C1QTNF7: variants seen among roughly 807,000 people sequenced by gnomAD.
C1QTNF7 encodes complement C1q tumor necrosis factor-related protein 7.
A neutral mutation model predicts 19.6 loss-of-function variants in C1QTNF7; 15 were observed. The ratio of observed to expected loss-of-function variants is 0.76; its 90% CI spans 0.51 to 1.18. The LOEUF (loss-of-function observed/expected upper bound fraction) is 1.18. Ranked by LOEUF, C1QTNF7 falls within the 50% of genes most tolerant of loss-of-function variation. The pLI, the probability that C1QTNF7 is intolerant of heterozygous loss-of-function variation, is 0.00. For missense variants in C1QTNF7, 324 were observed against 359.7 expected (o/e 0.90, Z 0.80); for synonymous variants, 142 against 137.5 (o/e 1.03, Z -0.23).
chr4:15,388,471 A>T (rs1407882665), intron 1 of C1QTNF7, among the ~76,000 whole-genome samples: 2 of 152,218 alleles, frequency 1.3e-5, no homozygotes, highest in Non-Finnish European at 2.9e-5. Context: ...GACAGAGGTG[A>T]ACATGAATAA....
intron 1 of C1QTNF7, among the ~76,000 whole-genome samples, chr4:15,415,000 T>C (rs780016392): frequency 3.3e-5 from 5 of 152,244 alleles, no homozygotes; most frequent in Non-Finnish European, 7.3e-5. Flanking sequence ...TCATAAAACA[T>C]GAGTGCGCAT....
upstream of C1QTNF7, among the ~76,000 whole-genome samples, chr4:15,424,745 C>T (rs11735738): frequency 0.53 from 80,155 of 151,992 alleles, 24,344 homozygotes; most frequent in Non-Finnish European, 0.69. Context: ...GAATTTCTAG[C>T]TTTCTTTTAT....
At chr4:15,373,915 C>T (rs1230775470) in intron 1 of C1QTNF7, 3 of 152,218 alleles carry the variant, frequency 2.0e-5, no homozygotes, top group African/African-American at 7.2e-5. Flanking sequence ...GACAAAATTT[C>T]ATCTTAGGAT....
At chr4:15,406,434 T>A (rs951210309) in intron 1 of C1QTNF7, among the ~76,000 whole-genome samples, 2 of 152,164 alleles carry the variant, frequency 1.3e-5, no homozygotes, top group Non-Finnish European at 2.9e-5. Context: ...AGATGAACTA[T>A]GTGTGCTCGC....
rs185358547 is a variant in C1QTNF7 at position 15,379,438 on chromosome 4, A to G, written c.13+39231A>G. Among the ~76,000 whole-genome samples, 10 of 152,352 alleles carry G rather than the reference A, an allele frequency of 6.6e-5. No individual in the cohort carries two copies. In the East Asian group the frequency reaches 1.9e-3, roughly 29 times the overall value. ...ATTTTACATATATTAGCTCTGAACC[A>G]TAACTTCAGGGATTATAGTGTAGCT... On this transcript the variant is annotated intron_variant, in intron 1 of 2. Transcript: ENST00000295297.
intron 1 of C1QTNF7, among the ~76,000 whole-genome samples, chr4:15,429,244 AT>A (rs1248545151): frequency 6.6e-6 from 1 of 152,160 alleles, no homozygotes; most frequent in Non-Finnish European, 1.5e-5. Flanking sequence ...ATATCATAAA[AT>A]TTACCATTTC....
intron 1 of C1QTNF7, among the ~76,000 whole-genome samples, chr4:15,351,776 A>C (rs1716947802): frequency 6.6e-6 from 1 of 152,204 alleles, no homozygotes; most frequent in South Asian, 2.1e-4. Context: ...TGCTGTGTGC[A>C]TGACGTGAGG....
rs577686729 is a variant in C1QTNF7 at position 15,399,859 on chromosome 4, A to C, written c.14-35877A>C. On this transcript the variant is annotated intron_variant, in intron 1 of 2. Coordinates refer to the C1QTNF7 transcript ENST00000295297. ...ACTGAGTGCCCACTTGAAGCCAGGC[A>C]TTGCTCCAGGGCCTTTCCCATATAT... Among the ~76,000 whole-genome samples, 26 of 152,326 alleles carry C rather than the reference A, an allele frequency of 1.7e-4. No homozygotes were observed. The South Asian group carries it at 5.4e-3, about 32-fold the overall frequency.
intron 1 of C1QTNF7, among the ~76,000 whole-genome samples, chr4:15,428,837 T>G (rs1577278642): frequency 6.6e-6 from 1 of 152,318 alleles, no homozygotes; most frequent in South Asian, 2.1e-4. Context: ...CAAGAAAATG[T>G]CCCGTTTTGG....
At chr4:15,388,676 G>T (rs115651694) in intron 1 of C1QTNF7, among the ~76,000 whole-genome samples, 2 of 152,288 alleles carry the variant, frequency 1.3e-5, no homozygotes, top group Admixed American at 6.5e-5. Context: ...TGGAGAGGAA[G>T]ACAAGACCGT....
intron 1 of C1QTNF7, among the ~76,000 whole-genome samples, chr4:15,351,780 C>T (rs145530615): frequency 6.6e-6 from 1 of 152,094 alleles, no homozygotes; most frequent in South Asian, 2.1e-4. Flanking sequence ...GTGTGCATGA[C>T]GTGAGGATGT....
rs903312928 is a variant in C1QTNF7, at chr4:15,406,268, C to T, written c.14-29468C>T. On this transcript the variant is annotated intron_variant, in intron 1 of 2. Coordinates refer to the C1QTNF7 transcript ENST00000295297. ...CACCTAATACATATTCAATAGCTCT[C>T]TGTTGAATGAGTGAGAGTATAGACC... Among the ~76,000 whole-genome samples, 5 of 152,158 alleles carry T rather than the reference C, an allele frequency of 3.3e-5. No homozygotes were observed. The East Asian group carries it at 9.6e-4, about 29-fold the overall frequency.
chr4:15,442,844 G>C lies in C1QTNF7; in HGVS notation c.*45G>C. Reference sequence around the variant, plus strand: ...GGTAAACACTCTGATTGAATCTGGGGTTCCAGAAGGTGGAACAAGCAGGAA... The same window carrying C: ...GGTAAACACTCTGATTGAATCTGGGCTTCCAGAAGGTGGAACAAGCAGGAA... On this transcript the variant is annotated 3_prime_UTR_variant, in exon 3 of 3. Coordinates refer to ENST00000444304, the MANE Select transcript of C1QTNF7 (RefSeq NM_031911.5). The C allele has an allele frequency of 6.6e-7, 1 of 1,512,726 alleles. No homozygotes were observed. The highest frequency in any genetic ancestry group is 8.8e-7 in the Non-Finnish European group (1 of 1,134,172). 93.7% of individuals were successfully genotyped at this position (1,512,726 alleles called of 1,614,324 possible). A position where few individuals can be genotyped will look rare whatever the true frequency, so the allele number is the denominator to read the frequency against.
chr4:15,437,742 C>T (rs1712592355), intron 2 of C1QTNF7, among the ~76,000 whole-genome samples: 1 of 149,692 alleles, frequency 6.7e-6, no homozygotes, highest in East Asian at 2.2e-4. Context: ...GTTTCTCAAC[C>T]TCTGCACTAA....
At chr4:15,375,274 A>G (rs1717896682) in intron 1 of C1QTNF7, among the ~76,000 whole-genome samples, 1 of 152,176 alleles carries the variant, frequency 6.6e-6, no homozygotes, top group Admixed American at 6.5e-5. Flanking sequence ...TTATAGTGGC[A>G]TAAATTCTGT....
chr4:15,353,022 AT>A (rs1716988954), intron 1 of C1QTNF7, among the ~76,000 whole-genome samples: 1 of 152,212 alleles, frequency 6.6e-6, no homozygotes, highest in Non-Finnish European at 1.5e-5. Context: ...TCTAATAAAA[AT>A]ATCATATTAG....
intron 1 of C1QTNF7, among the ~76,000 whole-genome samples, chr4:15,351,811 C>T (rs567382144): frequency 1.3e-5 from 2 of 152,266 alleles, no homozygotes; most frequent in East Asian, 1.9e-4. Context: ...CTAGACTTTA[C>T]AGAGGCTTTT....
At chr4:15,360,167 G>T (rs1194935389) in intron 1 of C1QTNF7, among the ~76,000 whole-genome samples, 1 of 152,040 alleles carries the variant, frequency 6.6e-6, no homozygotes, top group Non-Finnish European at 1.5e-5. Flanking sequence ...GAGTAGCCAG[G>T]GCTTTGGGAT....
Position 15,437,860 on chromosome 4 carries a change from C to A in C1QTNF7, c.238+1879C>A, listed in dbSNP as rs1203416231. On this transcript the variant is annotated intron_variant, in intron 2 of 2. Transcript: ENST00000444304. ...CTAGTGGCACTCCTCTCTAAATTGA[C>A]AATCAAAATTTTTCTATACGTAGCC... Among the ~76,000 whole-genome samples the A allele has an allele frequency of 5.3e-5, 8 of 152,066 alleles. No individual in the cohort carries two copies. The East Asian group carries it at 1.5e-3, about 29-fold the overall frequency.
Sources: allele counts gnomAD v4.1 joint callset (sites outside exome capture counted in the v4.1 genomes callset), GRCh38; gene constraint gnomAD v4.1.1; transcripts MANE v1.5; gene names NCBI Gene and HGNC (gene_info 2026-07-23, HGNC 2026-07-21).